TMEM120B: variants seen among roughly 807,000 people sequenced by gnomAD.
TMEM120B encodes the protein transmembrane protein 120B.
Under a neutral mutation model 55.5 loss-of-function variants are expected in TMEM120B, and 31 were observed. The ratio of observed to expected loss-of-function variants is 0.56; its 90% CI spans 0.42 to 0.75. The LOEUF (loss-of-function observed/expected upper bound fraction) is 0.75, where lower values mean the gene tolerates loss of function less well. Among genes scored for constraint, TMEM120B ranks in the 30% least tolerant of loss-of-function variants. TMEM120B has a pLI of 0.00. For synonymous variants in TMEM120B, 203 were observed against 176.3 expected, an observed-to-expected ratio of 1.15 and a Z score of -1.20; for missense variants, 399 against 425.5, an observed-to-expected ratio of 0.94 and a Z score of 0.55.
Position 121,779,726 on chromosome 12 carries a change from TG to T in TMEM120B, c.*4007del, listed in dbSNP as rs1177107857. ...CTGGAGGTCTCCTAGCACCACCTGG[TG>T]GGTTTGGGACTGGCTCTGAGGACTC... On this transcript the variant is annotated 3_prime_UTR_variant, in exon 12 of 12. Transcript: ENST00000449592. 1.2e-5 allele frequency: 19 copies of T among 1,576,292 alleles called. No individual in the cohort carries two copies. The highest frequency in any genetic ancestry group is 8.7e-7 in the Non-Finnish European group (1 of 1,153,606).
In TMEM120B at chr12:121,757,133, TG is replaced by T. The variant is rs1048488595; in HGVS notation, c.462-4513del. On this transcript the variant is annotated intron_variant, in intron 5 of 11. Coordinates refer to ENST00000449592, the MANE Select transcript of TMEM120B (RefSeq NM_001080825.2). ...GGCAAGGGAGGGAGCTCGGCCTCCC[TG>T]GGCGGTGGGGGGGGGGGGTGTCACT... is the stretch of plus-strand genomic sequence containing the variant. Among the ~76,000 whole-genome samples, 5 of 84,078 alleles carry T rather than the reference TG, an allele frequency of 5.9e-5. No individual in the cohort carries two copies. The East Asian group carries it at 2.3e-3, about 39-fold the overall frequency. The allele number at this position is 84,078 out of a possible 152,430, so 55.2% of individuals were successfully genotyped here. A position where few individuals can be genotyped will look rare whatever the true frequency, so the allele number is the denominator to read the frequency against.
rs765932820 is a variant in TMEM120B at position 121,743,689 on chromosome 12, A to C, written c.130A>C (p.Ser44Arg). Residue 44 changes from serine (S) to arginine (R), a missense_variant, in exon 2 of 12, where the codon AGC becomes CGC. Around this residue, in one of 3 missense-constraint regions of TMEM120B, gnomAD observed 133 missense variants for 104.1 expected, o/e 1.28. Coordinates refer to ENST00000449592, the MANE Select transcript of TMEM120B (RefSeq NM_001080825.2). ...EELAALQTLC[S>R]SSISKQKKHL... is the part of the protein sequence containing the mutation. ...GCTGGCTGCGCTGCAGACGCTGTGT[A>C]GCAGTTCCATCAGTAAGCAGAAGAA... The C allele has an allele frequency of 1.9e-6, 3 of 1,613,594 alleles. No homozygotes were observed. The African/African-American group carries it at 4.0e-5, about 22-fold the overall frequency.
rs1418071650 is a variant in TMEM120B, at chr12:121,712,963, A to T, written c.68A>T (p.Gln23Leu). 6.5e-7 allele frequency: 1 copy of T among 1,538,096 alleles called. No individual in the cohort carries two copies. The highest frequency in any genetic ancestry group is 8.7e-7 in the Non-Finnish European group (1 of 1,148,976). ...HELEGEFQEL[Q>L]ETHRIYKQKL... is the part of the protein sequence containing the mutation. ...CTGGAGGGAGAATTTCAAGAACTGC[A>T]GGTAGGGCCAGGCCACCTGGTCCCG... Residue 23 changes from glutamine to leucine, a missense_variant and splice_region_variant, in exon 1 of 12, where the codon CAG becomes CTG. Physicochemically the swap from Gln to Leu is moderately radical, Grantham distance 113. Around this residue, in one of 3 missense-constraint regions of TMEM120B, gnomAD observed 133 missense variants for 104.1 expected, o/e 1.28. Transcript: ENST00000449592.
chr12:121,738,029 A>G (rs1424252531), intron 1 of TMEM120B, among the ~76,000 whole-genome samples: 1 of 151,172 alleles, frequency 6.6e-6, no homozygotes, highest in African/African-American at 2.4e-5. Context: ...AAAAAAAAAA[A>G]GAAAGTCCAG....
intron 1 of TMEM120B, among the ~76,000 whole-genome samples, chr12:121,739,492 G>A (rs61952254): frequency 6.6e-6 from 1 of 151,244 alleles, no homozygotes; most frequent in Non-Finnish European, 1.5e-5. Flanking sequence ...TTTTTTTTTG[G>A]AACAGAGTCT....
chr12:121,757,030 C>T (rs913025248), intron 5 of TMEM120B, among the ~76,000 whole-genome samples: 2 of 151,954 alleles, frequency 1.3e-5, no homozygotes, highest in African/African-American at 4.8e-5. Context: ...TTCGGCAGCA[C>T]CAGAGAGCGT....
intron 5 of TMEM120B, among the ~76,000 whole-genome samples, chr12:121,752,589 C>A (rs1331067005): frequency 6.6e-6 from 1 of 151,972 alleles, no homozygotes; most frequent in Non-Finnish European, 1.5e-5. Context: ...CCTGTCTCTA[C>A]TAAAAATGCA....
chr12:121,778,981 G>T lies in TMEM120B; in HGVS notation c.*3259G>T, dbSNP rs183656604. The T allele has an allele frequency of 3.2e-3, 496 of 156,416 alleles. 2 individuals are homozygous for T. Among genetic ancestry groups the T allele is most frequent in the Non-Finnish European group, 5.3e-3 (370 of 70,308 alleles). 9.7% of individuals were successfully genotyped at this position (156,416 alleles called of 1,614,324 possible). On this transcript the variant is annotated 3_prime_UTR_variant, in exon 12 of 12. Coordinates refer to ENST00000449592, the MANE Select transcript of TMEM120B (RefSeq NM_001080825.2). ...TGGAGATGGGAGGGGTGGGTGCCAG[G>T]CTGCAGCCTGTGTCCTCCTGATAGG...
intron 1 of TMEM120B, among the ~76,000 whole-genome samples, chr12:121,739,971 G>C (rs1424257118): frequency 6.6e-6 from 1 of 151,682 alleles, no homozygotes; most frequent in African/African-American, 2.4e-5. Flanking sequence ...TAGAGATGGG[G>C]TTTCACCATG....
At chr12:121,722,611 T>C (rs1032806600) in intron 1 of TMEM120B, among the ~76,000 whole-genome samples, 3 of 152,124 alleles carry the variant, frequency 2.0e-5, no homozygotes, top group African/African-American at 7.2e-5. Context: ...CAGAGGGGTA[T>C]GTACAATGTG....
intron 1 of TMEM120B, among the ~76,000 whole-genome samples, chr12:121,743,279 G>A (rs948535943): frequency 6.6e-6 from 1 of 151,888 alleles, no homozygotes; most frequent in Non-Finnish European, 1.5e-5. Context: ...GGCTGGGTGT[G>A]GTGAGTCACG....
Position 121,743,611 on chromosome 12 carries a change from G to A in TMEM120B, c.70-18G>A, listed in dbSNP as rs764919541. The A allele has an allele frequency of 8.7e-6, 14 of 1,601,108 alleles. No individual in the cohort carries two copies. Among genetic ancestry groups the A allele is most frequent in the South Asian group, 1.1e-5 (1 of 90,808 alleles). ...CATATTCTCCCACACACCCTCCCCC[G>A]GGTCCCCTGTTCTTCAGGAGACGCA... is the stretch of plus-strand genomic sequence containing the variant. On this transcript the variant is annotated intron_variant, in intron 1 of 11. Transcript: ENST00000449592.
At chr12:121,769,216 G>C (rs1263721601) in intron 6 of TMEM120B, among the ~76,000 whole-genome samples, 1 of 151,244 alleles carries the variant, frequency 6.6e-6, no homozygotes, top group Non-Finnish European at 1.5e-5. Flanking sequence ...TCTGGAAACA[G>C]AGTTCCCATA....
In TMEM120B at chr12:121,775,479, C is replaced by G; in HGVS notation, c.907-130C>G. ...CCCTTCCCCCAGGTCTCCTGAATCT[C>G]TGCCTTCGATGGCAAAACCCTGCAG... On this transcript the variant is annotated intron_variant, in intron 11 of 11. Coordinates refer to ENST00000449592, the MANE Select transcript of TMEM120B (RefSeq NM_001080825.2). This position sits in a 1 kb window ranked among gnomAD's most constrained non-coding sequence, Gnocchi z 4.3. 1.4e-6 allele frequency: 2 copies of G among 1,453,704 alleles called. No homozygotes were observed. The highest frequency in any genetic ancestry group is 1.8e-6 in the Non-Finnish European group (2 of 1,107,472). 90.1% of individuals were successfully genotyped at this position (1,453,704 alleles called of 1,614,324 possible).
intron 10 of TMEM120B, 74 bp from the exon 11 acceptor site, chr12:121,774,988 G>C: frequency 6.5e-7 from 1 of 1,541,192 alleles, no homozygotes; most frequent in Non-Finnish European, 8.9e-7. Flanking sequence ...TGAGGGGCCT[G>C]GCCATCACCC....
rs934616466 is a variant in TMEM120B, at chr12:121,775,836, T to C, written c.*114T>C. 6 of 1,123,756 alleles carry C rather than the reference T, an allele frequency of 5.3e-6. No homozygotes were observed. The highest frequency in any genetic ancestry group is 7.9e-6 in the Non-Finnish European group (6 of 763,846). The allele number at this position is 1,123,756 out of a possible 1,614,324, so 69.6% of individuals were successfully genotyped here. On this transcript the variant is annotated 3_prime_UTR_variant, in exon 12 of 12. Coordinates refer to ENST00000449592, the MANE Select transcript of TMEM120B (RefSeq NM_001080825.2). The surrounding 1 kb of genome is among the most constrained non-coding windows in gnomAD (Gnocchi z 4.3). ...CGCTGGGAGAGGGCCCAGGCCCTGG[T>C]CCCCCAGTGGACCCCAGTGGTCTAG...
intron 6 of TMEM120B, 63 bp downstream of exon 6, chr12:121,761,801 C>T (rs1873687307): frequency 1.5e-6 from 2 of 1,352,280 alleles, no homozygotes; most frequent in Non-Finnish European, 1.1e-6. Flanking sequence ...TCACGAGGGG[C>T]GTCAGATGGG....
intron 4 of TMEM120B, 143 bp downstream of exon 4, chr12:121,750,582 T>TCCACACC (rs1566517047): frequency 2.4e-6 from 1 of 412,474 alleles, no homozygotes; most frequent in Non-Finnish European, 4.2e-6. Context: ...ACACCCACAC[T>TCCACACC]CCACACCAAC....
At chr12:121,769,468 G>T (rs148070643) in intron 6 of TMEM120B, among the ~76,000 whole-genome samples, 1 of 152,310 alleles carries the variant, frequency 6.6e-6, no homozygotes, top group East Asian at 1.9e-4. Flanking sequence ...CACTTTGGAA[G>T]GCCAAGGCAA....
Sources: gnomAD v4.1 joint callset for allele counts (sites outside exome capture counted in the v4.1 genomes callset) on GRCh38, gnomAD v4.1.1 for gene constraint, gnomAD v4.1.1 regional missense constraint, Gnocchi (gnomAD v3.1) non-coding constraint, MANE v1.5 for transcripts, NCBI Gene and HGNC (gene_info 2026-07-23, HGNC 2026-07-21) for gene names.